NOX4: variants seen among roughly 807,000 people sequenced by gnomAD.
NOX4 encodes the protein kidney oxidase-1.
Under a neutral mutation model 87.6 loss-of-function variants are expected in NOX4, and 69 were observed. That is an observed-to-expected ratio of 0.79 (90% CI 0.65 to 0.96). The LOEUF is 0.96. Among genes scored for constraint, NOX4 ranks in the 40% least tolerant of loss-of-function variants. The pLI is 0.00. For missense variants in NOX4, 680 were observed against 681.5 expected (o/e 1.00, Z 0.02); for synonymous variants, 275 against 238.2 (o/e 1.15, Z -1.42).
chr11:89,479,139 T>G (rs1390164235), intron 2 of NOX4, among the ~76,000 whole-genome samples: 2 of 152,206 alleles, frequency 1.3e-5, no homozygotes, highest in African/African-American at 2.4e-5. Context: ...TCTTATGAGA[T>G]CTTCACCCTC....
At chr11:89,583,683 A>C in the NOX4 span, among the ~76,000 whole-genome samples, 3 of 152,064 alleles carry the variant, frequency 2.0e-5, no homozygotes, top group African/African-American at 7.2e-5. Flanking sequence ...AATGGGAAAA[A>C]CTTCTGTCAT....
chr11:89,450,981 CAT>C (rs1467178317), intron 3 of NOX4, among the ~76,000 whole-genome samples: 1 of 148,970 alleles, frequency 6.7e-6, no homozygotes, highest in Non-Finnish European at 1.5e-5. Flanking sequence ...CCAAACACCA[CAT>C]GTCCTCACTC....
chr11:89,491,233 C>T lies in NOX4; in HGVS notation c.14G>A (p.Trp5Ter). The stretch of plus-strand genomic sequence containing the variant: ...CCCTTCGTTGGCGAGCCAGCTCCTC[C>T]AGGACACAGCCATGCCGCCGGCCCC... MAVS[W>*]RSWLANEGVK... is the part of the protein sequence containing the mutation. Residue 5 changes from tryptophan (W) to a stop codon, truncating the protein, a stop_gained, in exon 1 of 18, where the codon TGG becomes TAG. Coordinates refer to ENST00000263317, the MANE Select transcript of NOX4 (RefSeq NM_016931.5). LOFTEE classifies it high-confidence loss of function. The T allele has an allele frequency of 6.2e-7, 1 of 1,613,480 alleles. No individual in the cohort carries two copies. The highest frequency in any genetic ancestry group is 1.1e-5 in the South Asian group (1 of 91,052).
chr11:89,560,498 C>T, the NOX4 span, among the ~76,000 whole-genome samples: 2 of 151,964 alleles, frequency 1.3e-5, no homozygotes, highest in African/African-American at 4.8e-5. Flanking sequence ...TTAAGGAGTA[C>T]TTAGAGAACT....
chr11:89,524,946 A>G, the NOX4 span, among the ~76,000 whole-genome samples: 1 of 151,998 alleles, frequency 6.6e-6, no homozygotes, highest in African/African-American at 2.4e-5. Context: ...TATGAGTAGA[A>G]TCATATTTTA....
upstream of NOX4, among the ~76,000 whole-genome samples, chr11:89,501,330 G>A (rs1351255845): frequency 6.6e-6 from 1 of 152,000 alleles, no homozygotes; most frequent in African/African-American, 2.4e-5. Flanking sequence ...GAGCATGAAC[G>A]AGCATGATAT....
chr11:89,491,269 G>A lies in NOX4; in HGVS notation c.-23C>T. 1 of 1,609,970 alleles carries A rather than the reference G, an allele frequency of 6.2e-7. No homozygotes were observed. The highest frequency in any genetic ancestry group is 8.5e-7 in the Non-Finnish European group (1 of 1,178,034). Reference sequence around the variant, plus strand: ...CATGCCGCCGGCCCCGCCGCGCTGCGCTCTGTGCCCGCCGGACCGAGAAGG... The same window carrying A: ...CATGCCGCCGGCCCCGCCGCGCTGCACTCTGTGCCCGCCGGACCGAGAAGG... On this transcript the variant is annotated 5_prime_UTR_variant, in exon 1 of 18. Transcript: ENST00000263317.
At chr11:89,429,758 C>T (rs1038867860) in intron 7 of NOX4, among the ~76,000 whole-genome samples, 3 of 152,062 alleles carry the variant, frequency 2.0e-5, no homozygotes, top group African/African-American at 4.8e-5. Flanking sequence ...GATTCACAGC[C>T]GAATTCTACC....
At chr11:89,456,479 G>A (rs1466847326) in intron 2 of NOX4, among the ~76,000 whole-genome samples, 1 of 152,152 alleles carries the variant, frequency 6.6e-6, no homozygotes, top group East Asian at 1.9e-4. Flanking sequence ...GGGAAGACTA[G>A]CAAACTCTGA....
the NOX4 span, among the ~76,000 whole-genome samples, chr11:89,573,839 C>G: frequency 2.6e-5 from 4 of 152,152 alleles, no homozygotes; most frequent in African/African-American, 7.2e-5. Context: ...TGATTCTTCC[C>G]TTAGGGGGAG....
intron 7 of NOX4, among the ~76,000 whole-genome samples, chr11:89,428,690 T>C (rs903261531): frequency 8.5e-5 from 13 of 152,070 alleles, no homozygotes; most frequent in Non-Finnish European, 1.9e-4. Context: ...ATGCACCCAA[T>C]ACAGGAGCAC....
intron 6 of NOX4, 30 bp downstream of exon 6, chr11:89,440,658 C>T (rs373286079): frequency 1.3e-4 from 196 of 1,501,542 alleles, no homozygotes; most frequent in Non-Finnish European, 1.7e-4. Flanking sequence ...GTTCCTAAAC[C>T]TAAAGAAAAG....
chr11:89,336,865 T>C (rs1048329387), intron 16 of NOX4, among the ~76,000 whole-genome samples: 6 of 152,006 alleles, frequency 3.9e-5, no homozygotes, highest in Non-Finnish European at 8.8e-5. Context: ...TGACAAAAAG[T>C]ACTAAAATAA....
chr11:89,580,952 A>G, the NOX4 span, among the ~76,000 whole-genome samples: 4 of 152,350 alleles, frequency 2.6e-5, no homozygotes, highest in African/African-American at 9.6e-5. Context: ...GGAGAAAACA[A>G]TATTTTTGAT....
At chr11:89,426,567 G>A (rs1251118461) in intron 7 of NOX4, among the ~76,000 whole-genome samples, 1 of 152,138 alleles carries the variant, frequency 6.6e-6, no homozygotes, top group Non-Finnish European at 1.5e-5. Flanking sequence ...GGCACACCAG[G>A]AGATTATATC....
In NOX4 at chr11:89,373,288, A is replaced by C. The variant is rs561588389; in HGVS notation, c.1135+144T>G. 1.4e-3 allele frequency: 683 copies of C among 489,252 alleles called. 1 individual carries two copies. Among genetic ancestry groups the C allele is most frequent in the African/African-American group, 4.8e-3 (237 of 49,868 alleles). 30.3% of individuals were successfully genotyped at this position (489,252 alleles called of 1,614,324 possible). On this transcript the variant is annotated intron_variant, in intron 12 of 17. Coordinates refer to ENST00000263317, the MANE Select transcript of NOX4 (RefSeq NM_016931.5). ...CAAAACTGTACAAGCAAAAAAAAAAAAAAAAAAAAACAAAAAAAAACCCAG... is the reference window on the plus strand; with the variant it reads ...CAAAACTGTACAAGCAAAAAAAAAACAAAAAAAAAACAAAAAAAAACCCAG...
chr11:89,559,304 G>C, the NOX4 span, among the ~76,000 whole-genome samples: 1 of 152,098 alleles, frequency 6.6e-6, no homozygotes, highest in Admixed American at 6.6e-5. Context: ...AATAATGAGA[G>C]GAAGGAGTCT....
At chr11:89,449,625 C>T (rs529488825) in intron 3 of NOX4, 101 bp from the exon 4 acceptor site, 48 of 819,768 alleles carry the variant, frequency 5.9e-5, no homozygotes, top group East Asian at 8.0e-5. Flanking sequence ...TAAAATATGG[C>T]GGAAGCCTAT....
intron 1 of NOX4, 27 bp from the exon 2 acceptor site, chr11:89,490,580 A>T (rs1339678811): frequency 1.9e-6 from 3 of 1,554,444 alleles, no homozygotes; most frequent in Non-Finnish European, 2.7e-6. Context: ...TGAGAGACAG[A>T]AAACAAAAAT....
Sources: allele counts gnomAD v4.1 joint callset (sites outside exome capture counted in the v4.1 genomes callset), GRCh38; gene constraint gnomAD v4.1.1; transcripts MANE v1.5; gene names NCBI Gene and HGNC (gene_info 2026-07-23, HGNC 2026-07-21).